TNKS: variants seen among roughly 807,000 people sequenced by gnomAD.
TNKS encodes poly [ADP-ribose] polymerase tankyrase-1.
TNKS carries 72 observed loss-of-function variants against 135.8 expected under a neutral mutation model. The observed-to-expected ratio is 0.53, with a 90% CI of 0.44 to 0.64. TNKS has a LOEUF of 0.64. TNKS is among the 30% of genes least tolerant of loss of function. TNKS has a pLI of 0.00. For missense variants in TNKS, 1,769 were observed against 1,674.0 expected, an observed-to-expected ratio of 1.06 and a Z score of -0.99; for synonymous variants, 849 against 649.3, an observed-to-expected ratio of 1.31 and a Z score of -4.68.
intron 3 of TNKS, chr8:9,670,333 T>C (rs1188328063): frequency 1.3e-5 from 2 of 152,156 alleles, no homozygotes; most frequent in Non-Finnish European, 2.9e-5. Flanking sequence ...GCAGGAGAAA[T>C]GGAAGGTGGA....
intron 17 of TNKS, among the ~76,000 whole-genome samples, chr8:9,736,205 A>G (rs1409439390): frequency 6.6e-6 from 1 of 151,712 alleles, no homozygotes; most frequent in Non-Finnish European, 1.5e-5. Context: ...GTTGGCTTAC[A>G]TTTATCATCA....
intron 13 of TNKS, 77 bp from the exon 14 acceptor site, chr8:9,730,813 G>T: frequency 3.4e-6 from 5 of 1,484,492 alleles, no homozygotes; most frequent in South Asian, 2.6e-5. Context: ...CCAAGATGTT[G>T]AACTATTTTG....
chr8:9,599,786 C>A (rs1267830424), intron 2 of TNKS, among the ~76,000 whole-genome samples: 1 of 146,186 alleles, frequency 6.8e-6, no homozygotes, highest in African/African-American at 2.5e-5. Flanking sequence ...TGTGATGTGC[C>A]TTTTTAAAAA....
intron 25 of TNKS, among the ~76,000 whole-genome samples, chr8:9,767,818 G>C (rs532686973): frequency 6.6e-6 from 1 of 152,006 alleles, no homozygotes; most frequent in Non-Finnish European, 1.5e-5. Context: ...AATTAGCCGG[G>C]CGTGGTGGCA....
chr8:9,723,639 A>G (rs899512395), intron 12 of TNKS, among the ~76,000 whole-genome samples: 1 of 152,214 alleles, frequency 6.6e-6, no homozygotes, highest in African/African-American at 2.4e-5. Flanking sequence ...GCTCTTTCCA[A>G]TATGGTAGCC....
chr8:9,588,519 G>A (rs371046523), intron 2 of TNKS, among the ~76,000 whole-genome samples: 26 of 152,114 alleles, frequency 1.7e-4, no homozygotes, highest in Non-Finnish European at 3.2e-4. Context: ...CTCGTGATCC[G>A]CCCACCTCGG....
intron 11 of TNKS, among the ~76,000 whole-genome samples, chr8:9,712,779 A>G (rs1024972154): frequency 2.6e-5 from 4 of 151,966 alleles, no homozygotes; most frequent in Admixed American, 2.6e-4. Context: ...AGTCCCAGCT[A>G]CTCGGGAGGC....
intron 2 of TNKS, among the ~76,000 whole-genome samples, chr8:9,607,662 A>G (rs925757406): frequency 1.3e-5 from 2 of 152,218 alleles, no homozygotes; most frequent in African/African-American, 4.8e-5. Context: ...TAACTTGTTA[A>G]CATGTTGTAT....
intron 1 of TNKS, among the ~76,000 whole-genome samples, chr8:9,575,868 A>AT: frequency 6.6e-6 from 1 of 152,342 alleles, no homozygotes; most frequent in South Asian, 2.1e-4. Flanking sequence ...TTCCTGCTTG[A>AT]TAAGAAGTGT....
rs569663554 is a variant in TNKS, at chr8:9,679,900, TA to T, written c.995-49del. 3.6e-4 allele frequency: 535 copies of T among 1,479,376 alleles called. 2 individuals are homozygous for T. The highest frequency in any genetic ancestry group is 1.7e-4 in the Middle Eastern group (1 of 5,834). 91.6% of individuals were successfully genotyped at this position (1,479,376 alleles called of 1,614,324 possible). On this transcript the variant is annotated intron_variant, in intron 3 of 26. Transcript: ENST00000310430. Reference sequence around the variant, plus strand: ...TCTATTTGCTGCCTACTGCATTTCTTAATCTGTCTTCTGCCAAATGCTAACA... The same window carrying T: ...TCTATTTGCTGCCTACTGCATTTCTTATCTGTCTTCTGCCAAATGCTAACA...
At chr8:9,703,075 G>A (rs1803887394) in intron 5 of TNKS, among the ~76,000 whole-genome samples, 1 of 152,144 alleles carries the variant, frequency 6.6e-6, no homozygotes, top group Non-Finnish European at 1.5e-5. Flanking sequence ...AAACTTTACA[G>A]TAGTTTTCCC....
Position 9,642,002 on chromosome 8 carries a change from A to G in TNKS, c.994+26325A>G, listed in dbSNP as rs906819789. Reference sequence around the variant, plus strand: ...GACACCTCGAATTTCAATTTTTTGCACTTCTGAACTACAACAGTTGCTTCT... The same window carrying G: ...GACACCTCGAATTTCAATTTTTTGCGCTTCTGAACTACAACAGTTGCTTCT... On this transcript the variant is annotated intron_variant, in intron 3 of 26. Transcript: ENST00000310430. 2.0e-5 allele frequency among the ~76,000 whole-genome samples: 3 copies of G among 146,350 alleles called. 1 individual carries two copies. The highest frequency in any genetic ancestry group is 4.5e-5 in the Non-Finnish European group (3 of 66,704).
chr8:9,697,190 A>T (rs2128804263), intron 5 of TNKS, among the ~76,000 whole-genome samples: 1 of 152,184 alleles, frequency 6.6e-6, no homozygotes, highest in East Asian at 1.9e-4. Flanking sequence ...AACGAAAAGA[A>T]TTAATGGGGA....
At chr8:9,632,747 TGA>T (rs1382358413) in intron 3 of TNKS, among the ~76,000 whole-genome samples, 1 of 152,220 alleles carries the variant, frequency 6.6e-6, no homozygotes, top group African/African-American at 2.4e-5. Context: ...TTTCCTTTTT[TGA>T]GATGGAGTCT....
chr8:9,766,482 TC>T (rs374827778), intron 25 of TNKS, 57 bp downstream of exon 25: 85 of 1,214,614 alleles, frequency 7.0e-5, no homozygotes, highest in Middle Eastern at 2.1e-4. Context: ...AACCAAATTG[TC>T]TTTTTTTTTT....
At chr8:9,765,385 C>T (rs1026208714) in intron 23 of TNKS, among the ~76,000 whole-genome samples, 2 of 151,746 alleles carry the variant, frequency 1.3e-5, no homozygotes, top group Non-Finnish European at 1.5e-5. Context: ...ATCCCCATCT[C>T]CTAAAATGTA....
chr8:9,696,302 G>C (rs1803511848), intron 5 of TNKS, among the ~76,000 whole-genome samples: 1 of 152,132 alleles, frequency 6.6e-6, no homozygotes, highest in African/African-American at 2.4e-5. Context: ...AAAATAAGGA[G>C]TGTGGTGAAC....
At chr8:9,650,258 G>T (rs187875112) in intron 3 of TNKS, among the ~76,000 whole-genome samples, 124 of 152,166 alleles carry the variant, frequency 8.1e-4, no homozygotes, top group African/African-American at 2.8e-3. Flanking sequence ...ATTTTTTGCA[G>T]TTGCAAATTG....
At position 9,646,005 on chromosome 8, in the gene TNKS, A is replaced by G. The variant is rs549752507; in HGVS notation, c.994+30328A>G. Among the ~76,000 whole-genome samples, 7 of 152,248 alleles carry G rather than the reference A, an allele frequency of 4.6e-5. No individual in the cohort carries two copies. The East Asian group carries it at 5.8e-4, about 13-fold the overall frequency. The stretch of plus-strand genomic sequence containing the variant: ...ACCCTCAACCCTTCTCAGTTCTTCA[A>G]TTTCTCATAGTTGAGGATTTTAGTT... On this transcript the variant is annotated intron_variant, in intron 3 of 26. Transcript: ENST00000310430.
Sources: allele counts gnomAD v4.1 joint callset (sites outside exome capture counted in the v4.1 genomes callset), GRCh38; gene constraint gnomAD v4.1.1; transcripts MANE v1.5; gene names NCBI Gene and HGNC (gene_info 2026-07-23, HGNC 2026-07-21).